Variants in PDE4D observed in about 807,000 individuals in gnomAD.
The protein encoded by PDE4D is phosphodiesterase 4D, also known as 3',5'-cyclic-AMP phosphodiesterase 4D.
A neutral mutation model predicts 87.4 loss-of-function variants in PDE4D; 24 were observed. That is an observed-to-expected ratio of 0.27 (90% CI 0.20 to 0.39). The LOEUF (loss-of-function observed/expected upper bound fraction) is 0.39, where lower values mean the gene tolerates loss of function less well. PDE4D is among the 10% of genes least tolerant of loss of function. PDE4D has a pLI of 1.00. For synonymous variants in PDE4D, 384 were observed against 383.2 expected (o/e 1.00, Z -0.02); for missense variants, 714 against 1,041.0 (o/e 0.69, Z 4.32).
intron 1 of PDE4D, among the ~76,000 whole-genome samples, chr5:59,311,978 A>G (rs1290357978): frequency 6.6e-6 from 1 of 152,150 alleles, no homozygotes; most frequent in Non-Finnish European, 1.5e-5. Context: ...AAAAGGAAAA[A>G]CTACCTCCTC....
chr5:59,855,616 T>C (rs1014071951), intron 1 of PDE4D, among the ~76,000 whole-genome samples: 1 of 152,198 alleles, frequency 6.6e-6, no homozygotes, highest in African/African-American at 2.4e-5. Flanking sequence ...TTCACAATTA[T>C]TGCTCAGGCC....
At chr5:59,146,385 C>A (rs1778657980) in intron 5 of PDE4D, among the ~76,000 whole-genome samples, 1 of 152,034 alleles carries the variant, frequency 6.6e-6, no homozygotes, top group Non-Finnish European at 1.5e-5. Context: ...CTTTCTAGGG[C>A]ACGTTTTGAA....
At chr5:59,239,684 C>G (rs1046896983) in intron 1 of PDE4D, among the ~76,000 whole-genome samples, 1 of 152,084 alleles carries the variant, frequency 6.6e-6, no homozygotes, top group Non-Finnish European at 1.5e-5. Flanking sequence ...GTAAAAAATA[C>G]TGATGCTTTA....
intron 1 of PDE4D, among the ~76,000 whole-genome samples, chr5:59,495,631 G>A (rs905118546): frequency 3.3e-5 from 5 of 152,168 alleles, no homozygotes; most frequent in South Asian, 4.1e-4. Flanking sequence ...AAGACTGCAG[G>A]GGCAGGAGAG....
At chr5:59,157,334 C>G (rs990888050) in intron 5 of PDE4D, 3 of 702,530 alleles carry the variant, frequency 4.3e-6, no homozygotes, top group Non-Finnish European at 5.2e-6. Context: ...TGTCAAGTAA[C>G]GTATATGGGT....
At chr5:60,215,153 A>T (rs1196783322) in intron 1 of PDE4D, among the ~76,000 whole-genome samples, 1 of 152,164 alleles carries the variant, frequency 6.6e-6, no homozygotes, top group Non-Finnish European at 1.5e-5. Flanking sequence ...TTGGCGACCA[A>T]ATCTGGAACT....
chr5:59,933,789 T>A (rs1349210767), intron 3 of PDE4D, among the ~76,000 whole-genome samples: 1 of 51,518 alleles, frequency 1.9e-5, no homozygotes, highest in African/African-American at 1.1e-4. Flanking sequence ...TATATATATA[T>A]ATTAATAAGC....
chr5:60,468,602 C>T (rs991926433), intron 1 of PDE4D, among the ~76,000 whole-genome samples: 3 of 151,980 alleles, frequency 2.0e-5, no homozygotes, highest in Non-Finnish European at 4.4e-5. Flanking sequence ...CACACAGTCT[C>T]TTTCTTGCCT....
chr5:59,100,629 G>C (rs1288147748), intron 5 of PDE4D, among the ~76,000 whole-genome samples: 1 of 152,120 alleles, frequency 6.6e-6, no homozygotes, highest in Non-Finnish European at 1.5e-5. Context: ...TGATGCACAG[G>C]AGCTACTCAA....
At chr5:59,824,289 G>A (rs1770056856) in intron 1 of PDE4D, among the ~76,000 whole-genome samples, 1 of 152,024 alleles carries the variant, frequency 6.6e-6, no homozygotes, top group South Asian at 2.1e-4. Context: ...CAATGTGAAC[G>A]TCGCTCTTCT....
At chr5:60,357,659 A>G (rs2149944983) in intron 1 of PDE4D, among the ~76,000 whole-genome samples, 1 of 152,314 alleles carries the variant, frequency 6.6e-6, no homozygotes, top group East Asian at 1.9e-4. Flanking sequence ...AGTTGAGAAC[A>G]AAAACATTTG....
intron 1 of PDE4D, among the ~76,000 whole-genome samples, chr5:59,506,547 T>C (rs1474847213): frequency 6.6e-6 from 1 of 152,130 alleles, no homozygotes; most frequent in Non-Finnish European, 1.5e-5. Flanking sequence ...AAAATTATTT[T>C]AATAAAAATT....
intron 1 of PDE4D, among the ~76,000 whole-genome samples, chr5:59,451,596 C>T (rs1799164204): frequency 6.6e-6 from 1 of 152,178 alleles, no homozygotes; most frequent in African/African-American, 2.4e-5. Flanking sequence ...TGAAAATAAT[C>T]CTAACCCTTT....
chr5:60,511,672 A>G (rs745525374), intron 1 of PDE4D, among the ~76,000 whole-genome samples: 1 of 151,968 alleles, frequency 6.6e-6, no homozygotes, highest in Non-Finnish European at 1.5e-5. Flanking sequence ...AGAAAGTTGG[A>G]GTTGTTTTTC....
At chr5:59,961,399 G>A (rs547664384) in intron 3 of PDE4D, among the ~76,000 whole-genome samples, 31 of 151,764 alleles carry the variant, frequency 2.0e-4, no homozygotes, top group African/African-American at 6.8e-4. Flanking sequence ...AGCCACTGGC[G>A]GCTATGAAAG....
Position 60,003,995 on chromosome 5 carries a change from T to C in PDE4D, c.43-15278A>G, listed in dbSNP as rs180683367. On this transcript the variant is annotated intron_variant, in intron 2 of 16. Coordinates refer to the PDE4D transcript ENST00000502484. ...GTTCATATGCAAAAGAATGAAATTG[T>C]ATCCATATTTTATTACATACAATAC... Among the ~76,000 whole-genome samples the C allele has an allele frequency of 2.0e-5, 3 of 152,272 alleles. No individual in the cohort carries two copies. In the East Asian group the frequency reaches 5.8e-4, roughly 29 times the overall value.
At chr5:60,135,554 A>T (rs1434329825) in intron 2 of PDE4D, among the ~76,000 whole-genome samples, 1 of 152,226 alleles carries the variant, frequency 6.6e-6, no homozygotes, top group East Asian at 1.9e-4. Flanking sequence ...AGTAACAGGA[A>T]GGGTAAAAAA....
At chr5:59,412,671 A>G (rs536683216) in intron 1 of PDE4D, among the ~76,000 whole-genome samples, 36 of 152,346 alleles carry the variant, frequency 2.4e-4, no homozygotes, top group Non-Finnish European at 4.7e-4. Flanking sequence ...TTGTACTGGC[A>G]ATCTTTGACT....
intron 1 of PDE4D, among the ~76,000 whole-genome samples, chr5:59,667,968 G>A (rs1314677654): frequency 6.6e-6 from 1 of 152,164 alleles, no homozygotes; most frequent in Non-Finnish European, 1.5e-5. Context: ...CCCTTGTCCA[G>A]TATTCTTTCC....
Sources: allele counts gnomAD v4.1 joint callset (sites outside exome capture counted in the v4.1 genomes callset), GRCh38; gene constraint gnomAD v4.1.1; transcripts MANE v1.5; gene names NCBI Gene and HGNC (gene_info 2026-07-23, HGNC 2026-07-21).